The following GCNA variants were observed in gnomAD, a reference collection of about 807,000 sequenced individuals.
The protein encoded by GCNA is germ cell nuclear acidic protein.
Under a neutral mutation model 38.8 loss-of-function variants are expected in GCNA, and 3 were observed. That is an observed-to-expected ratio of 0.08 (90% CI 0.04 to 0.20). The LOEUF (loss-of-function observed/expected upper bound fraction) is 0.20. Ranked by LOEUF, GCNA falls within the 10% of genes least tolerant of loss-of-function variation. The pLI is 1.00. For missense variants in GCNA, 446 were observed against 578.6 expected (o/e 0.77, Z 2.35); for synonymous variants, 195 against 240.2 (o/e 0.81, Z 1.74).
In GCNA at chrX:71,610,737, A is replaced by G. The variant is rs370699145; in HGVS notation, c.1668A>G (p.Leu556=). The change falls in exon 11 of 13, where the codon TTA becomes TTG. Residue 556 remains leucine (L), a synonymous_variant. Coordinates refer to ENST00000373696, the MANE Select transcript of GCNA (RefSeq NM_052957.5). The part of the protein sequence containing the change: ...WNNKMVKTAG[L]CSTGEMWYPK... ...ACAAGATGGTGAAAACTGCTGGCTT[A>G]TGCAGCACTGGTGAGATGTGGTACC... is the stretch of plus-strand genomic sequence containing the variant. The G allele has an allele frequency of 5.8e-6, 7 of 1,212,639 alleles. No homozygotes were observed. The highest frequency in any genetic ancestry group is 7.8e-6 in the Non-Finnish European group (7 of 895,652).
rs199535750 is a variant in GCNA, at chrX:71,592,159, A to G, written c.97A>G (p.Ser33Gly). 1 of 1,200,875 alleles carries G rather than the reference A, an allele frequency of 8.3e-7. No individual in the cohort carries two copies. The highest frequency in any genetic ancestry group is 1.8e-5 in the African/African-American group (1 of 56,728). Residue 33 changes from serine (S) to glycine (G), a missense_variant, in exon 3 of 13, where the codon AGT becomes GGT. Transcript: ENST00000373696. Reference sequence around the variant, plus strand: ...TGTTCAGTCAAGCAGTGATGACACCAGTGGGTCTTGTAAGTAGAGTCCACT... The same window carrying G: ...TGTTCAGTCAAGCAGTGATGACACCGGTGGGTCTTGTAAGTAGAGTCCACT... The part of the protein sequence containing the change: ...LNVQSSSDDT[S>G]GSSVARRAPK...
intron 1 of GCNA, 190 bp from the exon 2 acceptor site, chrX:71,580,630 A>G: frequency 2.9e-6 from 1 of 342,150 alleles, no homozygotes; most frequent in Non-Finnish European, 5.2e-6. Context: ...GCCCGCCACC[A>G]CGCCTGGCTA....
chrX:71,610,860 C>G, intron 11 of GCNA, 41 bp downstream of exon 11: 1 of 1,201,622 alleles, frequency 8.3e-7, no homozygotes, highest in East Asian at 3.0e-5. Context: ...TGTGCTCTTT[C>G]CTTCTGACAC....
At chrX:71,589,064 C>T (rs1410779862) in intron 2 of GCNA, among the ~76,000 whole-genome samples, 1 of 109,907 alleles carries the variant, frequency 9.1e-6, no homozygotes, top group Admixed American at 9.7e-5. Flanking sequence ...CTATGGTGCC[C>T]ACACTAGTCT....
At chrX:71,582,571 A>T (rs1269170579) in intron 2 of GCNA, among the ~76,000 whole-genome samples, 1 of 111,709 alleles carries the variant, frequency 9.0e-6, no homozygotes, top group Non-Finnish European at 1.9e-5. Flanking sequence ...TGGCAGTATC[A>T]CATTTTAAAT....
intron 6 of GCNA, 128 bp from the exon 7 acceptor site, chrX:71,597,822 G>T (rs1383568580): frequency 8.5e-6 from 4 of 468,469 alleles, no homozygotes; most frequent in Non-Finnish European, 1.5e-5. Context: ...CAAAGGAGGG[G>T]AACAGAGTTA....
intron 7 of GCNA, among the ~76,000 whole-genome samples, chrX:71,598,250 C>T (rs2040687258): frequency 9.0e-6 from 1 of 111,499 alleles, no homozygotes; most frequent in Non-Finnish European, 1.9e-5. Context: ...TTGTTGCTGC[C>T]TCAGACCTTG....
At chrX:71,610,937 C>T in intron 11 of GCNA, 118 bp downstream of exon 11, 1 of 1,008,886 alleles carries the variant, frequency 9.9e-7, no homozygotes, top group Non-Finnish European at 1.3e-6. Context: ...CTTGGGTGGG[C>T]AGGCATGCTG....
intron 4 of GCNA, among the ~76,000 whole-genome samples, chrX:71,593,440 C>T (rs373134342): frequency 1.2e-4 from 13 of 111,948 alleles, no homozygotes; most frequent in East Asian, 2.8e-4. Context: ...TGCTGTCTGG[C>T]GAGCTGAAGG....
intron 1 of GCNA, among the ~76,000 whole-genome samples, chrX:71,579,866 A>G (rs2040532675): frequency 9.5e-6 from 1 of 105,492 alleles, no homozygotes. Flanking sequence ...ACCTGATAGG[A>G]GGAAGGAGTT....
intron 6 of GCNA, among the ~76,000 whole-genome samples, chrX:71,597,554 C>T (rs1359550513): frequency 2.7e-5 from 3 of 111,216 alleles, no homozygotes; most frequent in African/African-American, 3.3e-5. Flanking sequence ...TCTGAGGCTG[C>T]CTCTCTCCAT....
chrX:71,581,621 A>G lies in GCNA; in HGVS notation c.59+741A>G, dbSNP rs185067363. Among the ~76,000 whole-genome samples, 190 of 112,409 alleles carry G rather than the reference A, an allele frequency of 1.7e-3. 1 individual carries two copies. Among genetic ancestry groups the G allele is most frequent in the African/African-American group, 5.7e-3 (177 of 30,980 alleles). On this transcript the variant is annotated intron_variant, in intron 2 of 12. Transcript: ENST00000373696. ...GGGGAAAAATATGGATTAGTCAACA[A>G]ACCATTTGAGGATAACTGGCTAACC...
chrX:71,583,692 C>CTTTT (rs753557808), intron 2 of GCNA, among the ~76,000 whole-genome samples: 27 of 72,616 alleles, frequency 3.7e-4, no homozygotes, highest in African/African-American at 7.3e-4. Flanking sequence ...CTATTATATT[C>CTTTT]TTTTTTTTTT....
chrX:71,613,499 C>G lies in GCNA; in HGVS notation c.*517C>G, dbSNP rs768012752. On this transcript the variant is annotated 3_prime_UTR_variant, in exon 13 of 13. Transcript: ENST00000373696. ...CATCTATGTAGACAGGAAAGACAAACGTGTTTCATAAAATTCGTTGTTGAT... is the reference window on the plus strand; with the variant it reads ...CATCTATGTAGACAGGAAAGACAAAGGTGTTTCATAAAATTCGTTGTTGAT... 1 of 113,673 alleles carries G rather than the reference C, an allele frequency of 8.8e-6. No homozygotes were observed. Among genetic ancestry groups the G allele is most frequent in the East Asian group, 2.7e-4 (1 of 3,650 alleles). 9.4% of individuals were successfully genotyped at this position (113,673 alleles called of 1,213,427 possible).
rs191198370 is a variant in GCNA at position 71,613,260 on chromosome X, A to G, written c.*278A>G. ...TGTTATTAACGATGATTGACCTTAA[A>G]TAGGGACTCTATTGCTAACCATTCT... On this transcript the variant is annotated 3_prime_UTR_variant, in exon 13 of 13. Coordinates refer to ENST00000373696, the MANE Select transcript of GCNA (RefSeq NM_052957.5). The G allele has an allele frequency of 2.2e-4, 62 of 279,670 alleles. No homozygotes were observed. Among genetic ancestry groups the G allele is most frequent in the African/African-American group, 1.6e-3 (60 of 37,317 alleles). 23.0% of individuals were successfully genotyped at this position (279,670 alleles called of 1,213,427 possible). A position where few individuals can be genotyped will look rare whatever the true frequency, so the allele number is the denominator to read the frequency against.
At chrX:71,609,356 G>A (rs961784685) in intron 10 of GCNA, among the ~76,000 whole-genome samples, 4 of 112,214 alleles carry the variant, frequency 3.6e-5, no homozygotes, top group African/African-American at 1.3e-4. Flanking sequence ...TCAACAGCCA[G>A]GAAGTAAGAT....
chrX:71,588,411 C>T (rs750276968), intron 2 of GCNA, among the ~76,000 whole-genome samples: 1 of 112,329 alleles, frequency 8.9e-6, no homozygotes, highest in Non-Finnish European at 1.9e-5. Flanking sequence ...CACATGCCTG[C>T]ATCCTCCCAT....
chrX:71,580,873 G>A lies in GCNA; in HGVS notation c.52G>A (p.Glu18Lys), dbSNP rs1387871587. 10 of 1,195,472 alleles carry A rather than the reference G, an allele frequency of 8.4e-6. No individual in the cohort carries two copies. The East Asian group carries it at 1.2e-4, about 14-fold the overall frequency. Reference protein sequence around the residue: ...LPRLQEPEEDEDCYILNVQSS... With the variant: ...LPRLQEPEEDKDCYILNVQSS... ...CCGCTTGCAAGAGCCGGAGGAGGAC[G>A]AGGATTGGTGAGATTTAGAAAGTTC... Residue 18 changes from glutamate to lysine, a missense_variant, in exon 2 of 13, where the codon GAG (glutamate) becomes AAG (lysine). Coordinates refer to ENST00000373696, the MANE Select transcript of GCNA (RefSeq NM_052957.5).
At chrX:71,596,569 T>C (rs1000545918) in intron 6 of GCNA, among the ~76,000 whole-genome samples, 1 of 112,275 alleles carries the variant, frequency 8.9e-6, no homozygotes, top group African/African-American at 3.2e-5. Context: ...GAGTTTTAAA[T>C]AGAAAAAATA....
Sources: gnomAD v4.1 joint callset for allele counts (sites outside exome capture counted in the v4.1 genomes callset) on GRCh38, gnomAD v4.1.1 for gene constraint, MANE v1.5 for transcripts, NCBI Gene and HGNC (gene_info 2026-07-23, HGNC 2026-07-21) for gene names.